Variants in RNF180 observed in about 807,000 individuals in gnomAD.
RNF180 encodes E3 ubiquitin-protein ligase RNF180.
In RNF180, 38 loss-of-function variants were observed where a neutral mutation model predicts 59.2. The ratio of observed to expected loss-of-function variants is 0.64; its 90% confidence interval spans 0.50 to 0.84. RNF180 has a LOEUF of 0.84. RNF180 is among the 40% of genes least tolerant of loss of function. The probability of loss-of-function intolerance (pLI) is 0.00; values close to 1 mark genes in which losing one functional copy is unlikely to be tolerated. For synonymous variants in RNF180, 262 were observed against 240.3 expected (o/e 1.09, Z -0.84); for missense variants, 705 against 700.9 (o/e 1.01, Z -0.07).
chr5:64,295,696 C>T (rs1195156823), intron 5 of RNF180, among the ~76,000 whole-genome samples: 1 of 152,128 alleles, frequency 6.6e-6, no homozygotes, highest in East Asian at 1.9e-4. Context: ...GTAATGCATC[C>T]TATATGCAGA....
intron 7 of RNF180, among the ~76,000 whole-genome samples, chr5:64,350,199 G>C (rs948659959): frequency 2.6e-5 from 4 of 151,968 alleles, no homozygotes; most frequent in South Asian, 2.1e-4. Flanking sequence ...TGTCTTTTGG[G>C]TGCATAAATG....
chr5:64,212,366 A>C (rs934447563), intron 3 of RNF180, among the ~76,000 whole-genome samples: 4 of 152,040 alleles, frequency 2.6e-5, no homozygotes, highest in African/African-American at 9.7e-5. Flanking sequence ...ACATGCACAC[A>C]CACACATAAT....
intron 5 of RNF180, 30 bp downstream of exon 5, chr5:64,217,426 T>C: frequency 7.3e-7 from 1 of 1,378,094 alleles, no homozygotes; most frequent in South Asian, 1.9e-5. Context: ...TATGAGAAAT[T>C]GTCAAATTGT....
intron 5 of RNF180, chr5:64,217,762 C>G (rs1380499615): frequency 6.4e-6 from 1 of 157,464 alleles, no homozygotes; most frequent in African/African-American, 2.5e-5. Flanking sequence ...CCAGCCTGGG[C>G]AACATAGCAA....
intron 5 of RNF180, among the ~76,000 whole-genome samples, chr5:64,301,725 A>G (rs1012627982): frequency 6.6e-5 from 9 of 137,268 alleles, no homozygotes; most frequent in African/African-American, 2.4e-4. Flanking sequence ...GTGTGTGTGT[A>G]TAGTTTTCAG....
chr5:64,360,470 T>C (rs539937800), intron 7 of RNF180, among the ~76,000 whole-genome samples: 1 of 151,814 alleles, frequency 6.6e-6, no homozygotes, highest in East Asian at 2.0e-4. Context: ...GGGCAAAAAC[T>C]GGAAGCATTC....
At chr5:64,331,806 G>C (rs78694937) in intron 7 of RNF180, among the ~76,000 whole-genome samples, 36 of 152,272 alleles carry the variant, frequency 2.4e-4, no homozygotes, top group Non-Finnish European at 3.8e-4. Flanking sequence ...GCAGCCCTTT[G>C]AGGAGCCCAG....
intron 5 of RNF180, among the ~76,000 whole-genome samples, chr5:64,252,695 A>C (rs1022898322): frequency 6.6e-6 from 1 of 152,140 alleles, no homozygotes; most frequent in Non-Finnish European, 1.5e-5. Context: ...TGAGCATGGA[A>C]AACTAAACTT....
At chr5:64,354,414 T>A (rs1745934753) in intron 7 of RNF180, among the ~76,000 whole-genome samples, 6 of 151,490 alleles carry the variant, frequency 4.0e-5, no homozygotes, top group Admixed American at 4.0e-4. Context: ...AAATAGAAAA[T>A]CTCAACAGAA....
intron 5 of RNF180, among the ~76,000 whole-genome samples, chr5:64,260,756 C>T (rs1744290734): frequency 6.6e-6 from 1 of 152,172 alleles, no homozygotes; most frequent in Non-Finnish European, 1.5e-5. Flanking sequence ...TTTAACATCT[C>T]ATCTCTGAGC....
At position 64,217,620 on chromosome 5, in the gene RNF180, AT is replaced by A. The variant is rs1012711987; in HGVS notation, c.1227+228del. 78 of 589,970 alleles carry A rather than the reference AT, an allele frequency of 1.3e-4. No individual in the cohort carries two copies. The African/African-American group carries it at 1.5e-3, about 11-fold the overall frequency. 36.5% of individuals were successfully genotyped at this position (589,970 alleles called of 1,614,324 possible). On this transcript the variant is annotated intron_variant, in intron 5 of 7. Transcript: ENST00000389100. ...TTAAGGATGCTGAACATATGTGCTT[AT>A]TTTACATTTGTATATATTCTTTAGT... is the stretch of plus-strand genomic sequence containing the variant.
At chr5:64,326,692 T>G (rs1220722615) in intron 6 of RNF180, among the ~76,000 whole-genome samples, 1 of 152,204 alleles carries the variant, frequency 6.6e-6, no homozygotes, top group African/African-American at 2.4e-5. Flanking sequence ...TGTATCATCT[T>G]GATGTGTTGT....
At chr5:64,237,724 G>A (rs1007371883) in intron 5 of RNF180, among the ~76,000 whole-genome samples, 2 of 152,126 alleles carry the variant, frequency 1.3e-5, no homozygotes, top group African/African-American at 4.8e-5. Context: ...GAAGTGATTG[G>A]ATCATGGGGG....
Position 64,271,480 on chromosome 5 carries a change from A to G in RNF180, c.1228-53706A>G, listed in dbSNP as rs1208225903. ...CCCATAAGACAGTAACATTCTGTAT[A>G]TGTTTGTAGCCTAGGAGCAATAGGC... On this transcript the variant is annotated intron_variant, in intron 5 of 7. Transcript: ENST00000389100. Among the ~76,000 whole-genome samples, 3 of 152,080 alleles carry G rather than the reference A, an allele frequency of 2.0e-5. No homozygotes were observed. The East Asian group carries it at 5.8e-4, about 29-fold the overall frequency.
At chr5:64,358,646 T>C (rs1746120879) in intron 7 of RNF180, among the ~76,000 whole-genome samples, 1 of 143,248 alleles carries the variant, frequency 7.0e-6, no homozygotes, top group South Asian at 2.1e-4. Flanking sequence ...AGAATTCTAT[T>C]TTTTTTTATT....
chr5:64,256,051 G>T (rs542276954), intron 5 of RNF180, among the ~76,000 whole-genome samples: 68 of 152,032 alleles, frequency 4.5e-4, no homozygotes, highest in African/African-American at 1.2e-3. Flanking sequence ...GGGGTTGTTT[G>T]TTTTTTTCTT....
chr5:64,345,467 C>G (rs998437926), intron 7 of RNF180, among the ~76,000 whole-genome samples: 1 of 151,996 alleles, frequency 6.6e-6, no homozygotes, highest in Non-Finnish European at 1.5e-5. Flanking sequence ...CATAATAACC[C>G]CAACACTGAT....
intron 5 of RNF180, among the ~76,000 whole-genome samples, chr5:64,324,457 C>T (rs975391027): frequency 7.2e-5 from 11 of 152,252 alleles, no homozygotes; most frequent in Admixed American, 2.0e-4. Context: ...CAGACAGAAA[C>T]TCCACACAGA....
intron 1 of RNF180, among the ~76,000 whole-genome samples, chr5:64,172,100 T>C (rs540818831): frequency 1.7e-4 from 26 of 152,302 alleles, no homozygotes; most frequent in African/African-American, 6.3e-4. Context: ...TGGGCCACTT[T>C]TTATTGGTAT....
Sources: gnomAD v4.1 joint callset for allele counts (sites outside exome capture counted in the v4.1 genomes callset) on GRCh38, gnomAD v4.1.1 for gene constraint, MANE v1.5 for transcripts, NCBI Gene and HGNC (gene_info 2026-07-23, HGNC 2026-07-21) for gene names.